CDYL: variants seen among roughly 807,000 people sequenced by gnomAD.
The protein encoded by CDYL is chromodomain Y like.
A neutral mutation model predicts 47.3 loss-of-function variants in CDYL; 8 were observed. That is an observed-to-expected ratio of 0.17 (90% CI 0.10 to 0.31). The LOEUF (loss-of-function observed/expected upper bound fraction) is 0.31, where lower values mean the gene tolerates loss of function less well. CDYL is among the 10% of genes least tolerant of loss of function. The pLI is 1.00. For missense variants in CDYL, 471 were observed against 701.4 expected (o/e 0.67, Z 3.71); for synonymous variants, 266 against 265.0 (o/e 1.00, Z -0.04).
chr6:4,742,498 A>G (rs958897564), intron 3 of CDYL, among the ~76,000 whole-genome samples: 1 of 152,128 alleles, frequency 6.6e-6, no homozygotes, highest in Non-Finnish European at 1.5e-5. Context: ...GTCCACAGCC[A>G]TGATCAAATC....
intron 2 of CDYL, among the ~76,000 whole-genome samples, chr6:4,922,648 T>G (rs1224392099): frequency 5.3e-5 from 8 of 152,212 alleles, no homozygotes; most frequent in African/African-American, 1.7e-4. Flanking sequence ...TGCTTCCCCT[T>G]TTATCATTGT....
chr6:4,933,114 C>G (rs979653820), intron 2 of CDYL, among the ~76,000 whole-genome samples: 4 of 152,212 alleles, frequency 2.6e-5, no homozygotes, highest in Non-Finnish European at 5.9e-5. Context: ...TCTCTGCTGC[C>G]TCCTGGCTCT....
At chr6:4,842,831 G>T (rs749959972) in intron 1 of CDYL, among the ~76,000 whole-genome samples, 2 of 150,970 alleles carry the variant, frequency 1.3e-5, no homozygotes, top group African/African-American at 4.9e-5. Flanking sequence ...ACCCTTGTGG[G>T]TTTTTTTTTC....
chr6:4,903,818 T>TTAAAAAGA (rs1380228357), intron 2 of CDYL, among the ~76,000 whole-genome samples: 1 of 152,246 alleles, frequency 6.6e-6, no homozygotes, highest in Admixed American at 6.5e-5. Flanking sequence ...TGAGGCATCT[T>TTAAAAAGA]TTTAAAGCTT....
intron 1 of CDYL, among the ~76,000 whole-genome samples, chr6:4,780,205 C>G (rs868694401): frequency 6.6e-6 from 1 of 151,652 alleles, no homozygotes; most frequent in East Asian, 1.9e-4. Flanking sequence ...GTAATCCTCC[C>G]TCCTTTCCTC....
intron 1 of CDYL, among the ~76,000 whole-genome samples, chr6:4,838,709 CAG>C (rs577990230): frequency 7.9e-5 from 12 of 151,294 alleles, no homozygotes; most frequent in African/African-American, 1.2e-4. Flanking sequence ...TTTTTTGAGA[CAG>C]AGTCTCCCTC....
intron 2 of CDYL, chr6:4,724,371 A>C (rs1156754130): frequency 6.6e-6 from 1 of 152,094 alleles, no homozygotes; most frequent in African/African-American, 2.4e-5. Flanking sequence ...TTATAATTCC[A>C]AAGGTGAGGG....
At chr6:4,798,221 C>T (rs879830634) in intron 1 of CDYL, among the ~76,000 whole-genome samples, 4 of 152,102 alleles carry the variant, frequency 2.6e-5, no homozygotes, top group Non-Finnish European at 4.4e-5. Context: ...AATCTGCCCA[C>T]CTTGACCTCC....
chr6:4,845,613 A>C (rs1196237361), intron 1 of CDYL, among the ~76,000 whole-genome samples: 1 of 152,236 alleles, frequency 6.6e-6, no homozygotes, highest in East Asian at 1.9e-4. Flanking sequence ...TTTCTTGGCC[A>C]CAGCTATCTA....
chr6:4,894,947 G>GTGTATA (rs1554105585), intron 2 of CDYL, among the ~76,000 whole-genome samples: 6 of 5,246 alleles, frequency 1.1e-3, no homozygotes, highest in African/African-American at 1.2e-3. Context: ...ATATGTGTAT[G>GTGTATA]CATGTGTATA....
chr6:4,753,151 A>G (rs1330109758), intron 3 of CDYL, among the ~76,000 whole-genome samples: 2 of 152,142 alleles, frequency 1.3e-5, no homozygotes, highest in Non-Finnish European at 2.9e-5. Flanking sequence ...AGCTCAAGCA[A>G]TCTGCCCGCC....
intron 3 of CDYL, among the ~76,000 whole-genome samples, chr6:4,750,472 G>C (rs150852704): frequency 6.6e-6 from 1 of 152,106 alleles, no homozygotes; most frequent in Non-Finnish European, 1.5e-5. Flanking sequence ...AAAGTGCTGG[G>C]ATTATAGGCG....
intron 1 of CDYL, among the ~76,000 whole-genome samples, chr6:4,788,183 G>T (rs897243933): frequency 2.0e-5 from 3 of 152,030 alleles, no homozygotes; most frequent in Non-Finnish European, 2.9e-5. Flanking sequence ...TTGGGGTTTG[G>T]TGAACTGTTT....
At chr6:4,747,369 A>T (rs1185031097) in intron 3 of CDYL, among the ~76,000 whole-genome samples, 2 of 151,824 alleles carry the variant, frequency 1.3e-5, no homozygotes, top group African/African-American at 4.8e-5. Context: ...CTGAATTTTA[A>T]TCAAAGAGAA....
chr6:4,814,667 A>G (rs13437153), intron 1 of CDYL, among the ~76,000 whole-genome samples: 138 of 152,236 alleles, frequency 9.1e-4, no homozygotes, highest in African/African-American at 3.1e-3. Context: ...CTAGGATTAC[A>G]GCCGGCTACC....
rs751760386 is a variant in CDYL, at chr6:4,776,847, G to T, written c.24+40G>T. 7.8e-6 allele frequency: 5 copies of T among 642,084 alleles called. No homozygotes were observed. The South Asian group carries it at 2.0e-4, about 26-fold the overall frequency. The allele number at this position is 642,084 out of a possible 1,614,324, so 39.8% of individuals were successfully genotyped here. Reference sequence around the variant, plus strand: ...CCCGGCCTCGGGCCGCCCCCCGCCCGCCGCCCCTCCCGGCCCGGCCGCGCC... The same window carrying T: ...CCCGGCCTCGGGCCGCCCCCCGCCCTCCGCCCCTCCCGGCCCGGCCGCGCC... On this transcript the variant is annotated intron_variant, in intron 1 of 6. Transcript: ENST00000397588.
At chr6:4,832,650 GGTACCAGTTCCTCCTT>G (rs1760181369) in intron 1 of CDYL, among the ~76,000 whole-genome samples, 2 of 150,718 alleles carry the variant, frequency 1.3e-5, no homozygotes, top group South Asian at 4.2e-4. Flanking sequence ...CAGAAGGAAT[GGTACCAGTTCCTCCTT>G]GTACCTCTGG....
intron 1 of CDYL, 125 bp downstream of exon 1, chr6:4,776,932 G>A: frequency 3.6e-6 from 1 of 278,112 alleles, no homozygotes; most frequent in Non-Finnish European, 5.4e-6. Flanking sequence ...CGCGGCCGCA[G>A]TTTGCTGGAC....
chr6:4,882,483 G>A (rs1452266174), intron 1 of CDYL, among the ~76,000 whole-genome samples: 2 of 152,190 alleles, frequency 1.3e-5, no homozygotes, highest in African/African-American at 4.8e-5. Flanking sequence ...TGGGCAGATG[G>A]TTCTGACCCT....
Sources: allele counts gnomAD v4.1 joint callset (sites outside exome capture counted in the v4.1 genomes callset), GRCh38; gene constraint gnomAD v4.1.1; transcripts MANE v1.5; gene names NCBI Gene and HGNC (gene_info 2026-07-23, HGNC 2026-07-21).